Variants in FMNL2 observed in about 807,000 individuals in gnomAD.
FMNL2 encodes the protein formin-like protein 2.
In FMNL2, 51 loss-of-function variants were observed where a neutral mutation model predicts 130.2. The observed-to-expected ratio is 0.39, with a 90% CI of 0.31 to 0.49. The LOEUF (loss-of-function observed/expected upper bound fraction) is 0.49. Among genes scored for constraint, FMNL2 ranks in the 20% least tolerant of loss-of-function variants. The probability of loss-of-function intolerance (pLI) is 0.85; values close to 1 mark genes in which losing one functional copy is unlikely to be tolerated. For synonymous variants in FMNL2, 465 were observed against 467.1 expected, an observed-to-expected ratio of 1.00 and a Z score of 0.06; for missense variants, 977 against 1,316.2, an observed-to-expected ratio of 0.74 and a Z score of 3.99.
chr2:152,552,834 GT>G (rs1292900624), intron 4 of FMNL2, among the ~76,000 whole-genome samples: 3 of 152,222 alleles, frequency 2.0e-5, no homozygotes, highest in Admixed American at 6.5e-5. Flanking sequence ...TTAAATGGTG[GT>G]GAGGGTGAAC....
chr2:152,484,310 A>G (rs1189948335), intron 1 of FMNL2, among the ~76,000 whole-genome samples: 1 of 152,142 alleles, frequency 6.6e-6, no homozygotes, highest in Non-Finnish European at 1.5e-5. Flanking sequence ...TAAAAAGTCT[A>G]TGGTGCCATT....
intron 9 of FMNL2, among the ~76,000 whole-genome samples, chr2:152,593,371 T>A (rs1697538713): frequency 1.3e-5 from 2 of 152,232 alleles, no homozygotes; most frequent in Non-Finnish European, 2.9e-5. Flanking sequence ...ATATATTGCA[T>A]TTGATTCTGT....
intron 5 of FMNL2, among the ~76,000 whole-genome samples, 153 bp downstream of exon 5, chr2:152,558,976 CA>C: frequency 6.6e-6 from 1 of 152,062 alleles, no homozygotes; most frequent in Admixed American, 6.5e-5. Flanking sequence ...TAACTAAAAA[CA>C]AATCACATAA....
At chr2:152,563,514 G>A (rs1241422481) in intron 6 of FMNL2, among the ~76,000 whole-genome samples, 5 of 152,074 alleles carry the variant, frequency 3.3e-5, no homozygotes, top group African/African-American at 4.8e-5. Flanking sequence ...TTCTAATTCT[G>A]TATTTGGTCA....
intron 1 of FMNL2, among the ~76,000 whole-genome samples, chr2:152,443,889 T>A (rs955825368): frequency 6.6e-6 from 1 of 151,892 alleles, no homozygotes; most frequent in Non-Finnish European, 1.5e-5. Flanking sequence ...ACAGCATCAG[T>A]TGCTGCTGGG....
At chr2:152,349,326 G>C (rs1013145781) in intron 1 of FMNL2, among the ~76,000 whole-genome samples, 1 of 152,114 alleles carries the variant, frequency 6.6e-6, no homozygotes, top group African/African-American at 2.4e-5. Flanking sequence ...ATGCATTATC[G>C]TTGATGCTCA....
intron 1 of FMNL2, among the ~76,000 whole-genome samples, chr2:152,396,086 G>C (rs1685378500): frequency 6.6e-6 from 1 of 152,170 alleles, no homozygotes; most frequent in Admixed American, 6.5e-5. Context: ...AAGTCTTGTT[G>C]TTTAATCACG....
chr2:152,636,726 T>C, intron 22 of FMNL2, 136 bp downstream of exon 22: 1 of 1,072,128 alleles, frequency 9.3e-7, no homozygotes, highest in Non-Finnish European at 1.3e-6. Flanking sequence ...GTAACTATTA[T>C]TTATTACGGG....
chr2:152,589,957 A>ATG (rs1558988104), intron 9 of FMNL2, among the ~76,000 whole-genome samples: 33 of 9,350 alleles, frequency 3.5e-3, no homozygotes, highest in Admixed American at 0.027. Context: ...ATATATATAT[A>ATG]TATATATATA....
At chr2:152,451,648 G>A (rs887991840) in intron 1 of FMNL2, among the ~76,000 whole-genome samples, 2 of 152,148 alleles carry the variant, frequency 1.3e-5, no homozygotes, top group Non-Finnish European at 2.9e-5. Flanking sequence ...GTCAGTCAGT[G>A]GCCAAGTTAG....
At chr2:152,471,750 G>A (rs1182383375) in intron 1 of FMNL2, among the ~76,000 whole-genome samples, 1 of 152,120 alleles carries the variant, frequency 6.6e-6, no homozygotes, top group South Asian at 2.1e-4. Context: ...TGATGGTGAT[G>A]TTTGGGAAAT....
In FMNL2 at chr2:152,368,938, G is replaced by T. The variant is rs1325769666; in HGVS notation, c.117+33218G>T. Among the ~76,000 whole-genome samples the T allele has an allele frequency of 2.6e-5, 4 of 152,104 alleles. 1 individual carries two copies. Among genetic ancestry groups the T allele is most frequent in the South Asian group, 4.1e-4 (2 of 4,820 alleles). On this transcript the variant is annotated intron_variant, in intron 1 of 25. Transcript: ENST00000288670. ...TACATTTGTGGTTTTTTGTGTGTGT[G>T]TTTTTTAAGGCATCAGGGTTATATC...
chr2:152,540,840 A>G (rs1694274741), intron 2 of FMNL2, among the ~76,000 whole-genome samples: 1 of 152,174 alleles, frequency 6.6e-6, no homozygotes, highest in African/African-American at 2.4e-5. Flanking sequence ...TTAAAGTATA[A>G]TTAAAAATTA....
chr2:152,525,662 G>A (rs1308081670), intron 2 of FMNL2, among the ~76,000 whole-genome samples: 7 of 152,176 alleles, frequency 4.6e-5, no homozygotes, highest in Non-Finnish European at 1.0e-4. Context: ...AAAGATGAGC[G>A]TGAAGAGGTA....
chr2:152,482,255 T>C (rs1690567589), intron 1 of FMNL2, among the ~76,000 whole-genome samples: 1 of 152,244 alleles, frequency 6.6e-6, no homozygotes, highest in South Asian at 2.1e-4. Flanking sequence ...TGTGTATTTT[T>C]TTCTACCACA....
chr2:152,370,208 G>A (rs1436918978), intron 1 of FMNL2, among the ~76,000 whole-genome samples: 1 of 152,118 alleles, frequency 6.6e-6, no homozygotes, highest in East Asian at 1.9e-4. Flanking sequence ...TCAAGATCAG[G>A]GTGCCACCCA....
At chr2:152,578,358 T>C (rs915630858) in intron 7 of FMNL2, among the ~76,000 whole-genome samples, 7 of 152,208 alleles carry the variant, frequency 4.6e-5, no homozygotes, top group African/African-American at 1.7e-4. Context: ...TTGTATGTTA[T>C]ATCTATTGTA....
chr2:152,451,722 G>A (rs183466387), intron 1 of FMNL2, among the ~76,000 whole-genome samples: 1 of 152,176 alleles, frequency 6.6e-6, no homozygotes, highest in East Asian at 1.9e-4. Flanking sequence ...CTAGACTCTC[G>A]AAACAAACTG....
intron 1 of FMNL2, among the ~76,000 whole-genome samples, chr2:152,495,148 G>C (rs981026132): frequency 6.6e-5 from 10 of 152,182 alleles, no homozygotes; most frequent in South Asian, 2.1e-4. Context: ...ATATGTAAAT[G>C]GCAGTTCAAT....
Sources: gnomAD v4.1 joint callset for allele counts (sites outside exome capture counted in the v4.1 genomes callset) on GRCh38, gnomAD v4.1.1 for gene constraint, MANE v1.5 for transcripts, NCBI Gene and HGNC (gene_info 2026-07-23, HGNC 2026-07-21) for gene names.